Variants in B9D2 observed in about 807,000 individuals in gnomAD.
The protein encoded by B9D2 is B9 domain containing 2.
B9D2 carries 21 observed loss-of-function variants against 19.2 expected under a neutral mutation model. That is an observed-to-expected ratio of 1.09 (90% confidence interval 0.78 to 1.58). The LOEUF (loss-of-function observed/expected upper bound fraction) is 1.58, where lower values mean the gene tolerates loss of function less well. Among genes scored for constraint, B9D2 ranks in the 40% most tolerant of loss-of-function variants. The pLI is 0.00. For synonymous variants in B9D2, 91 were observed against 100.6 expected, an observed-to-expected ratio of 0.90 and a Z score of 0.57; for missense variants, 221 against 244.3, an observed-to-expected ratio of 0.90 and a Z score of 0.64.
intron 3 of B9D2, among the ~76,000 whole-genome samples, chr19:41,357,534 G>C (rs1017282931): frequency 6.6e-6 from 1 of 152,034 alleles, no homozygotes; most frequent in Non-Finnish European, 1.5e-5. Flanking sequence ...CTTTCAAGCC[G>C]AGGAGCCCTT....
intron 3 of B9D2, 91 bp from the exon 4 acceptor site, chr19:41,355,104 A>G (rs1311631375): frequency 7.8e-7 from 1 of 1,285,938 alleles, no homozygotes; most frequent in Admixed American, 2.8e-5. Flanking sequence ...TGGAGACCCC[A>G]GGCCCAGTCT....
intron 2 of B9D2, among the ~76,000 whole-genome samples, chr19:41,358,890 C>T (rs1007932772): frequency 2.0e-5 from 3 of 151,928 alleles, no homozygotes; most frequent in Non-Finnish European, 2.9e-5. Context: ...CACCTCTAAT[C>T]CCAGCACTTT....
chr19:41,363,609 A>G (rs1448011214), intron 1 of B9D2, 86 bp from the exon 2 acceptor site: 42 of 1,218,696 alleles, frequency 3.4e-5, no homozygotes, highest in Non-Finnish European at 1.2e-6. Context: ...CCCAGCAAGT[A>G]AAGGGTAGTA....
At chr19:41,359,710 A>T (rs981797203) in intron 2 of B9D2, among the ~76,000 whole-genome samples, 1 of 152,142 alleles carries the variant, frequency 6.6e-6, no homozygotes. Context: ...TCTAAAAAAA[A>T]AAAGAAAAGA....
At chr19:41,357,817 G>C (rs2038338793) in intron 3 of B9D2, 80 bp downstream of exon 3, 2 of 1,581,424 alleles carry the variant, frequency 1.3e-6, no homozygotes, top group African/African-American at 1.3e-5. Flanking sequence ...GACAGGTCTT[G>C]GTGTTCCCAG....
At chr19:41,355,541 T>G (rs181949719) in intron 3 of B9D2, among the ~76,000 whole-genome samples, 80 of 152,300 alleles carry the variant, frequency 5.3e-4, no homozygotes, top group South Asian at 1.0e-3. Context: ...TTCCATAGCT[T>G]TGCCCATGTC....
intron 2 of B9D2, among the ~76,000 whole-genome samples, chr19:41,361,774 G>C (rs2038406517): frequency 1.8e-5 from 1 of 55,828 alleles, no homozygotes; most frequent in African/African-American, 7.6e-5. Flanking sequence ...GCTACAGAGT[G>C]AGACTCTGTC....
intron 2 of B9D2, chr19:41,363,225 G>T (rs1287330123): frequency 3.2e-6 from 2 of 616,422 alleles, no homozygotes; most frequent in Non-Finnish European, 5.9e-6. Context: ...CAGCCCGGGC[G>T]CAGAGAGAGA....
rs767020017 is a variant in B9D2, at chr19:41,363,478, G to A, written c.42C>T (p.Ser14=). ...VHVIGQIIGA[S]GFSESSLFCK... is the part of the protein sequence containing the mutation. Reference sequence around the variant, plus strand: ...AGAAGAGGCTACTTTCCGAGAAACCGCTGGCCCCTATGATCTGCCCGATCA... The same window carrying A: ...AGAAGAGGCTACTTTCCGAGAAACCACTGGCCCCTATGATCTGCCCGATCA... Residue 14 remains serine, a synonymous_variant, in exon 2 of 4, where the codon AGC becomes AGT. Transcript: ENST00000243578. 4 of 1,614,138 alleles carry A rather than the reference G, an allele frequency of 2.5e-6. No homozygotes were observed. The highest frequency in any genetic ancestry group is 3.4e-6 in the Non-Finnish European group (4 of 1,180,032).
chr19:41,357,492 A>G (rs2038332328), intron 3 of B9D2, among the ~76,000 whole-genome samples: 1 of 152,080 alleles, frequency 6.6e-6, no homozygotes, highest in South Asian at 2.1e-4. Context: ...CTCCTCCCCC[A>G]GTACTGATTT....
At chr19:41,363,734 A>G (rs1321414233) in intron 1 of B9D2, among the ~76,000 whole-genome samples, 3 of 152,230 alleles carry the variant, frequency 2.0e-5, no homozygotes, top group Non-Finnish European at 4.4e-5. Context: ...CTGGGGAACC[A>G]GCATTTAACT....
At chr19:41,356,679 A>G (rs1438680651) in intron 3 of B9D2, among the ~76,000 whole-genome samples, 1 of 149,192 alleles carries the variant, frequency 6.7e-6, no homozygotes, top group African/African-American at 2.5e-5. Context: ...CGCCATCTCT[A>G]TTAAAAAAAA....
chr19:41,358,167 C>A (rs1212186830), intron 2 of B9D2, 145 bp from the exon 3 acceptor site: 42 of 1,245,766 alleles, frequency 3.4e-5, no homozygotes, highest in Non-Finnish European at 4.5e-5. Context: ...GGGTTCAAAT[C>A]CTGGCACTAC....
At chr19:41,358,600 A>T (rs903528395) in intron 2 of B9D2, among the ~76,000 whole-genome samples, 4 of 152,046 alleles carry the variant, frequency 2.6e-5, no homozygotes, top group Non-Finnish European at 5.9e-5. Context: ...CTCACCCCAT[A>T]TTTTCAAGCC....
At chr19:41,358,810 A>G (rs1303129267) in intron 2 of B9D2, among the ~76,000 whole-genome samples, 1 of 152,020 alleles carries the variant, frequency 6.6e-6, no homozygotes, top group Non-Finnish European at 1.5e-5. Flanking sequence ...GTTCAAGACC[A>G]GCCTGACCAA....
Position 41,363,949 on chromosome 19 carries a change from C to T in B9D2, c.-5+9G>A. ...CCGCCTCTAAGCGCAGCGCATGCGT[C>T]ATTCCTACCTTAGCGCACTTAACGG... On this transcript the variant is annotated intron_variant, in intron 1 of 3. Coordinates refer to ENST00000243578, the MANE Select transcript of B9D2 (RefSeq NM_030578.4). 3.0e-6 allele frequency: 1 copy of T among 329,658 alleles called. No homozygotes were observed. The allele number at this position is 329,658 out of a possible 1,614,324, so 20.4% of individuals were successfully genotyped here. A position where few individuals can be genotyped will look rare whatever the true frequency, so the allele number is the denominator to read the frequency against.
intron 2 of B9D2, among the ~76,000 whole-genome samples, chr19:41,359,486 A>G (rs1308553918): frequency 3.9e-5 from 6 of 152,054 alleles, no homozygotes; most frequent in Non-Finnish European, 8.8e-5. Flanking sequence ...GCAGATCACA[A>G]GGTCAAGAGA....
chr19:41,355,092 A>G (rs538638260), intron 3 of B9D2, 79 bp from the exon 4 acceptor site: 2 of 1,355,518 alleles, frequency 1.5e-6, no homozygotes, highest in African/African-American at 1.5e-5. Context: ...CCTGATACTC[A>G]CTGGAGACCC....
intron 2 of B9D2, among the ~76,000 whole-genome samples, chr19:41,361,443 T>A (rs2038400876): frequency 1.3e-5 from 2 of 151,868 alleles, no homozygotes. Flanking sequence ...AGCTGGAGGG[T>A]TCCGATTTCC....
Sources: allele counts gnomAD v4.1 joint callset (sites outside exome capture counted in the v4.1 genomes callset), GRCh38; gene constraint gnomAD v4.1.1; transcripts MANE v1.5; gene names NCBI Gene and HGNC (gene_info 2026-07-23, HGNC 2026-07-21).